Variants in ASNS observed in about 807,000 individuals in gnomAD.
The protein encoded by ASNS is asparagine synthetase (glutamine-hydrolyzing).
ASNS carries 37 observed loss-of-function variants against 62.6 expected under a neutral mutation model. The observed-to-expected ratio is 0.59, with a 90% CI of 0.45 to 0.78. ASNS has a LOEUF of 0.78. Among genes scored for constraint, ASNS ranks in the 30% least tolerant of loss-of-function variants. ASNS has a pLI of 0.00. For synonymous variants in ASNS, 207 were observed against 237.9 expected (o/e 0.87, Z 1.19); for missense variants, 520 against 682.4 (o/e 0.76, Z 2.65).
the ASNS span, among the ~76,000 whole-genome samples, chr7:97,916,163 G>C: frequency 3.3e-4 from 50 of 152,252 alleles, no homozygotes; most frequent in African/African-American, 1.2e-3. Flanking sequence ...TGGATCACCT[G>C]AGGTCAGGAG....
chr7:97,858,911 T>C lies in ASNS; in HGVS notation c.718A>G (p.Asn240Asp). The change falls in exon 6 of 13, where the codon AAT (asparagine) becomes GAT (aspartate). Residue 240 changes from asparagine to aspartate, a missense_variant. Transcript: ENST00000394308. ...TVKNNLRILF[N>D]NAVKKRLMTD... ...ATCAAACGTTTCTTTACAGCATTAT[T>C]AAAAAGGATCCTGAGGTTGTTCTTC... 4.3e-6 allele frequency: 7 copies of C among 1,613,858 alleles called. No homozygotes were observed. Among genetic ancestry groups the C allele is most frequent in the Non-Finnish European group, 5.1e-6 (6 of 1,179,934 alleles).
chr7:97,917,707 CTCAA>C, the ASNS span, among the ~76,000 whole-genome samples: 1 of 152,236 alleles, frequency 6.6e-6, no homozygotes. Context: ...GACCCTGACA[CTCAA>C]TCACTCTATA....
At chr7:97,882,009 G>A in the ASNS span, among the ~76,000 whole-genome samples, 6 of 152,096 alleles carry the variant, frequency 3.9e-5, no homozygotes, top group South Asian at 2.1e-4. Flanking sequence ...GTACCACCAC[G>A]CCTGGCTAAT....
chr7:97,915,968 A>G, the ASNS span, among the ~76,000 whole-genome samples: 1 of 152,202 alleles, frequency 6.6e-6, no homozygotes. Flanking sequence ...ATGGACTCAG[A>G]GGCCAAGTTC....
intron 3 of ASNS, 45 bp downstream of exon 3, chr7:97,868,861 ACT>A (rs1584476927): frequency 1.2e-6 from 2 of 1,603,070 alleles, no homozygotes; most frequent in African/African-American, 1.3e-5. Flanking sequence ...TAACCAACAA[ACT>A]CTGAAGTTTA....
intron 6 of ASNS, among the ~76,000 whole-genome samples, chr7:97,858,610 CA>C (rs1304398573): frequency 5.9e-5 from 9 of 152,150 alleles, no homozygotes; most frequent in African/African-American, 1.7e-4. Flanking sequence ...AAAATCACTA[CA>C]CAGAATTCTA....
Position 97,853,186 on chromosome 7 carries a change from C to A in ASNS, c.1350G>T (p.Glu450Asp). 6.2e-7 allele frequency: 1 copy of A among 1,608,606 alleles called. No individual in the cohort carries two copies. Among genetic ancestry groups the A allele is most frequent in the Non-Finnish European group, 8.5e-7 (1 of 1,177,898 alleles). The change falls in exon 12 of 13, where the codon GAG becomes GAT. Residue 450 changes from glutamate to aspartate, a missense_variant. By Grantham distance (45) the Glu-to-Asp change is conservative. Transcript: ENST00000394308. ...KNGIEKHLLRETFEDSNLIPK... is the reference protein window; with the variant it reads ...KNGIEKHLLRDTFEDSNLIPK... Reference sequence around the variant, plus strand: ...GTATCAGATTGGAATCCTCAAACGTCTCTCTCAGGAGATGTTTTTCTATCC... The same window carrying A: ...GTATCAGATTGGAATCCTCAAACGTATCTCTCAGGAGATGTTTTTCTATCC...
chr7:97,904,041 G>T, the ASNS span, among the ~76,000 whole-genome samples: 11 of 152,078 alleles, frequency 7.2e-5, no homozygotes, highest in Non-Finnish European at 1.2e-4. Flanking sequence ...AGAGTCCATG[G>T]AATGTGGAAT....
At chr7:97,914,151 CATGGATGGATGG>C in the ASNS span, among the ~76,000 whole-genome samples, 23,214 of 124,800 alleles carry the variant, frequency 0.19, 2,590 homozygotes, top group Middle Eastern at 0.27. Context: ...TGGATGGATG[CATGGATGGATGG>C]ATGGATGGAT....
the ASNS span, chr7:97,908,270 A>C: frequency 2.0e-5 from 3 of 151,936 alleles, no homozygotes; most frequent in African/African-American, 7.3e-5. Flanking sequence ...ATGACACAGT[A>C]ACTACCTGGA....
chr7:97,880,367 G>C, the ASNS span, among the ~76,000 whole-genome samples: 1 of 152,202 alleles, frequency 6.6e-6, no homozygotes, highest in South Asian at 2.1e-4. Context: ...CAAGTGATTC[G>C]CCTACCTCGG....
At chr7:97,874,270 C>T (rs1308618209), upstream of ASNS, among the ~76,000 whole-genome samples, 7 of 152,312 alleles carry the variant, frequency 4.6e-5, no homozygotes, top group Non-Finnish European at 7.3e-5. Context: ...GGCTCACCGG[C>T]GGTCAGAGTT....
At chr7:97,902,111 C>A in the ASNS span, among the ~76,000 whole-genome samples, 1 of 152,178 alleles carries the variant, frequency 6.6e-6, no homozygotes, top group Non-Finnish European at 1.5e-5. Context: ...AAGCTCAATG[C>A]TTTGGGCTTC....
chr7:97,853,279 G>A, intron 11 of ASNS, 26 bp downstream of exon 11: 1 of 1,613,310 alleles, frequency 6.2e-7, no homozygotes. Flanking sequence ...GCAATGGACA[G>A]TTTTACCTTG....
chr7:97,886,293 C>T, the ASNS span, among the ~76,000 whole-genome samples: 2 of 152,038 alleles, frequency 1.3e-5, no homozygotes, highest in Non-Finnish European at 1.5e-5. Context: ...GGACTACAGG[C>T]GTGTGCACCA....
the ASNS span, among the ~76,000 whole-genome samples, chr7:97,922,869 G>A: frequency 1.3e-5 from 2 of 151,986 alleles, no homozygotes; most frequent in Non-Finnish European, 2.9e-5. Context: ...TCGGCTGACT[G>A]CAACCTCTGT....
the ASNS span, chr7:97,912,893 T>G: frequency 6.6e-6 from 1 of 151,992 alleles, no homozygotes; most frequent in Non-Finnish European, 1.5e-5. Flanking sequence ...ATTTGCTATT[T>G]TTTTTTTAAT....
At chr7:97,862,129 T>C (rs1171799282) in intron 4 of ASNS, among the ~76,000 whole-genome samples, 1 of 151,390 alleles carries the variant, frequency 6.6e-6, no homozygotes, top group African/African-American at 2.4e-5. Context: ...TAGAAATGGG[T>C]AATTCAAGAA....
At chr7:97,926,669 G>A in the ASNS span, among the ~76,000 whole-genome samples, 3 of 152,140 alleles carry the variant, frequency 2.0e-5, no homozygotes, top group Non-Finnish European at 2.9e-5. Context: ...GCCAGACTGA[G>A]CAGATACAGG....
Sources: allele counts gnomAD v4.1 joint callset (sites outside exome capture counted in the v4.1 genomes callset), GRCh38; gene constraint gnomAD v4.1.1; transcripts MANE v1.5; gene names NCBI Gene and HGNC (gene_info 2026-07-23, HGNC 2026-07-21).